Variants in CA10 observed in about 807,000 individuals in gnomAD.
CA10 encodes carbonic anhydrase 10 (inactive), also known as carbonic anhydrase-related protein 10.
CA10 carries 14 observed loss-of-function variants against 44.2 expected under a neutral mutation model. That is an observed-to-expected ratio of 0.32 (90% CI 0.21 to 0.50). The LOEUF is 0.50. Ranked by LOEUF, CA10 falls within the 20% of genes least tolerant of loss-of-function variation. The pLI is 0.99. For missense variants in CA10, 350 were observed against 409.7 expected (o/e 0.85, Z 1.26); for synonymous variants, 159 against 141.6 (o/e 1.12, Z -0.87).
chr17:52,120,569 G>A (rs971048811), intron 1 of CA10, among the ~76,000 whole-genome samples: 6 of 152,198 alleles, frequency 3.9e-5, no homozygotes, highest in Non-Finnish European at 8.8e-5. Flanking sequence ...GCAGGAGGCA[G>A]ATAAGGAAGT....
At chr17:51,758,532 G>A (rs567195798) in intron 3 of CA10, among the ~76,000 whole-genome samples, 32 of 152,270 alleles carry the variant, frequency 2.1e-4, no homozygotes, top group African/African-American at 6.3e-4. Context: ...CTTGCCACAC[G>A]TAGTCATTGG....
rs373221577 is a variant in CA10, at chr17:51,671,392, G to T, written c.466-17656C>A. On this transcript the variant is annotated intron_variant, in intron 4 of 8. Transcript: ENST00000451037. ...CATGACTCACAGTTTCACACATTTG[G>T]GTCATTTTTTTTGTTTTTGTTTTTG... Among the ~76,000 whole-genome samples, 527 of 129,290 alleles carry T rather than the reference G, an allele frequency of 4.1e-3. 5 individuals are homozygous for T. Among genetic ancestry groups the T allele is most frequent in the African/African-American group, 0.015 (512 of 34,778 alleles). 84.8% of individuals were successfully genotyped at this position (129,290 alleles called of 152,430 possible). A position where few individuals can be genotyped will look rare whatever the true frequency, so the allele number is the denominator to read the frequency against.
At chr17:52,023,997 G>A (rs1416327242) in intron 2 of CA10, among the ~76,000 whole-genome samples, 2 of 151,860 alleles carry the variant, frequency 1.3e-5, no homozygotes, top group Non-Finnish European at 2.9e-5. Flanking sequence ...TATTGTTTCT[G>A]TGGGTTAGTG....
chr17:51,976,611 G>C (rs1005703772), intron 2 of CA10, among the ~76,000 whole-genome samples: 1 of 151,908 alleles, frequency 6.6e-6, no homozygotes, highest in Non-Finnish European at 1.5e-5. Flanking sequence ...CAGTTCGTCT[G>C]GGGGAAATTT....
intron 4 of CA10, among the ~76,000 whole-genome samples, chr17:51,709,801 G>A (rs1046295721): frequency 6.6e-6 from 1 of 152,192 alleles, no homozygotes; most frequent in African/African-American, 2.4e-5. Context: ...GAGCTGGTGA[G>A]CATGTCACAG....
chr17:51,790,851 T>C (rs1906494547), intron 3 of CA10, among the ~76,000 whole-genome samples: 1 of 152,240 alleles, frequency 6.6e-6, no homozygotes, highest in South Asian at 2.1e-4. Context: ...TATAGTGTTT[T>C]GCAGTACATC....
intron 1 of CA10, among the ~76,000 whole-genome samples, chr17:52,114,999 C>G (rs1477568978): frequency 6.6e-6 from 1 of 152,210 alleles, no homozygotes; most frequent in African/African-American, 2.4e-5. Context: ...AATTTCTGAC[C>G]TGCCCCACAA....
At chr17:52,131,606 G>C (rs1989241196) in intron 1 of CA10, among the ~76,000 whole-genome samples, 1 of 152,196 alleles carries the variant, frequency 6.6e-6, no homozygotes, top group African/African-American at 2.4e-5. Flanking sequence ...ACAGAAGATA[G>C]AGAGCATTTA....
chr17:51,920,966 G>C (rs1192386324), intron 3 of CA10, among the ~76,000 whole-genome samples: 1 of 152,124 alleles, frequency 6.6e-6, no homozygotes, highest in Non-Finnish European at 1.5e-5. Flanking sequence ...CAGCTACTCA[G>C]AGTACAATAT....
At chr17:51,895,063 C>T (rs999652946) in intron 3 of CA10, among the ~76,000 whole-genome samples, 1 of 152,086 alleles carries the variant, frequency 6.6e-6, no homozygotes, top group Non-Finnish European at 1.5e-5. Flanking sequence ...TTATTCTCAT[C>T]ACTGAGCCCA....
chr17:51,943,920 C>T (rs909373680), intron 2 of CA10, among the ~76,000 whole-genome samples: 2 of 152,110 alleles, frequency 1.3e-5, no homozygotes, highest in Non-Finnish European at 2.9e-5. Flanking sequence ...GAGAAACAAA[C>T]ATTCAAATGT....
At chr17:51,983,304 T>A (rs1283020085) in intron 2 of CA10, among the ~76,000 whole-genome samples, 1 of 151,866 alleles carries the variant, frequency 6.6e-6, no homozygotes, top group African/African-American at 2.4e-5. Flanking sequence ...TCTGTCATCA[T>A]GAATAACTTT....
At chr17:52,091,621 TGAG>T (rs1280727436) in intron 1 of CA10, among the ~76,000 whole-genome samples, 4 of 152,292 alleles carry the variant, frequency 2.6e-5, no homozygotes, top group South Asian at 2.1e-4. Context: ...GGGTGATTGA[TGAG>T]GAGGACAGCC....
chr17:51,700,771 C>A (rs901143981), intron 4 of CA10, among the ~76,000 whole-genome samples: 1 of 152,172 alleles, frequency 6.6e-6, no homozygotes, highest in Non-Finnish European at 1.5e-5. Context: ...AACTGAGGGA[C>A]ATAGATGGAG....
At chr17:52,145,548 A>C (rs971563323) in intron 1 of CA10, among the ~76,000 whole-genome samples, 6 of 152,196 alleles carry the variant, frequency 3.9e-5, no homozygotes, top group African/African-American at 9.7e-5. Context: ...ATAATGTATA[A>C]AAATGTGCTC....
chr17:52,018,641 C>T (rs1260690714), intron 2 of CA10, among the ~76,000 whole-genome samples: 1 of 151,948 alleles, frequency 6.6e-6, no homozygotes, highest in Admixed American at 6.6e-5. Context: ...GTAGAAGAAG[C>T]TTGCCTTGAG....
At chr17:51,824,948 C>G (rs181984657) in intron 3 of CA10, among the ~76,000 whole-genome samples, 1 of 152,202 alleles carries the variant, frequency 6.6e-6, no homozygotes, top group Non-Finnish European at 1.5e-5. Context: ...GCCGCTGGTT[C>G]GGTTTGTTAG....
Position 51,648,697 on chromosome 17 carries a change from T to A in CA10, c.634+485A>T, listed in dbSNP as rs1488551887. ...AGGAAACTGGACAGAGTCCTCTACA[T>A]CCATGGGCCACACATGTGGCTGAAG... On this transcript the variant is annotated intron_variant, in intron 6 of 8. Transcript: ENST00000451037. Among the ~76,000 whole-genome samples the A allele has an allele frequency of 4.6e-5, 7 of 152,236 alleles. No homozygotes were observed. In the East Asian group the frequency reaches 1.4e-3, roughly 29 times the overall value.
Position 51,631,367 on chromosome 17 carries a change from T to C in CA10, c.*217A>G, listed in dbSNP as rs906447886. ...GTATGTTTGCATGTGTTTGTATGTA[T>C]GTGCAAGTGCTTGTGTGTGTGTTTG... On this transcript the variant is annotated 3_prime_UTR_variant, in exon 9 of 9. Transcript: ENST00000451037. The C allele has an allele frequency of 1.6e-6, 1 of 614,960 alleles. No individual in the cohort carries two copies. Among genetic ancestry groups the C allele is most frequent in the Non-Finnish European group, 2.9e-6 (1 of 340,336 alleles). 38.1% of individuals were successfully genotyped at this position (614,960 alleles called of 1,614,324 possible).
Sources: allele counts gnomAD v4.1 joint callset (sites outside exome capture counted in the v4.1 genomes callset), GRCh38; gene constraint gnomAD v4.1.1; transcripts MANE v1.5; gene names NCBI Gene and HGNC (gene_info 2026-07-23, HGNC 2026-07-21).